Variants in BRF1 observed in about 807,000 individuals in gnomAD.
The protein encoded by BRF1 is transcription factor IIIB 90 kDa subunit.
Under a neutral mutation model 81.7 loss-of-function variants are expected in BRF1, and 59 were observed. The observed-to-expected ratio is 0.72, with a 90% CI of 0.59 to 0.90. BRF1 has a LOEUF of 0.90. Ranked by LOEUF, BRF1 falls within the 40% of genes least tolerant of loss-of-function variation. The pLI, the probability that BRF1 is intolerant of heterozygous loss-of-function variation, is 0.00. For synonymous variants in BRF1, 491 were observed against 395.6 expected, an observed-to-expected ratio of 1.24 and a Z score of -2.86; for missense variants, 1,050 against 936.3, an observed-to-expected ratio of 1.12 and a Z score of -1.58.
Position 105,315,026 on chromosome 14 carries a change from C to T in BRF1, c.-162+296G>A, listed in dbSNP as rs755739390. 8.2e-7 allele frequency: 1 copy of T among 1,219,366 alleles called. No homozygotes were observed. Among genetic ancestry groups the T allele is most frequent in the South Asian group, 1.9e-5 (1 of 53,284 alleles). 75.5% of individuals were successfully genotyped at this position (1,219,366 alleles called of 1,614,324 possible). On this transcript the variant is annotated intron_variant, in intron 1 of 17. Coordinates refer to the BRF1 transcript ENST00000327359. The surrounding 1 kb of genome is among the most constrained non-coding windows in gnomAD (Gnocchi z 4.4). ...GGGAGGTGGACGGCTCCAGCCCCAG[C>T]TGCGTGCCCAGGTACGCGCCGCCCG... is the stretch of plus-strand genomic sequence containing the variant.
rs759423335 is a variant in BRF1, at chr14:105,211,181, TCCTCCTCGTCAG to T, written c.1925_1936del (p.Ala642_Glu645del). 3.7e-5 allele frequency: 60 copies of T among 1,611,846 alleles called. No homozygotes were observed. Among genetic ancestry groups the T allele is most frequent in the Non-Finnish European group, 1.6e-5 (19 of 1,179,610 alleles). On this transcript the variant is annotated inframe_deletion, in exon 17 of 18. Transcript: ENST00000547530. ...GGGCTCCCCGTCCTCCTCGTCAGGC[TCCTCCTCGTCAG>T]CCTCCTCGTCGGCGTGGTATGACAC...
intron 3 of BRF1, 134 bp from the exon 4 acceptor site, chr14:105,256,683 A>G: frequency 1.4e-6 from 2 of 1,386,812 alleles, no homozygotes; most frequent in Non-Finnish European, 1.9e-6. Flanking sequence ...TCCACCTTTG[A>G]TCAGGAAGGA....
chr14:105,304,505 A>C (rs2058124139), upstream of BRF1, among the ~76,000 whole-genome samples: 1 of 152,180 alleles, frequency 6.6e-6, no homozygotes, highest in Non-Finnish European at 1.5e-5. Flanking sequence ...AATAAAATAA[A>C]ATAAAATAAA....
chr14:105,295,626 T>C (rs1018124684), intron 1 of BRF1, among the ~76,000 whole-genome samples: 1 of 150,972 alleles, frequency 6.6e-6, no homozygotes, highest in Non-Finnish European at 1.5e-5. Context: ...CAAAAAAAAA[T>C]TTTTTTAATT....
intron 7 of BRF1, 117 bp from the exon 8 acceptor site, chr14:105,226,877 G>T: frequency 6.6e-7 from 1 of 1,514,098 alleles, no homozygotes; most frequent in East Asian, 2.3e-5. Flanking sequence ...GGGAGCCCAA[G>T]GTGGGTGGAT....
At chr14:105,311,523 G>A (rs1595528183) in intron 1 of BRF1, among the ~76,000 whole-genome samples, 1 of 152,190 alleles carries the variant, frequency 6.6e-6, no homozygotes, top group South Asian at 2.1e-4. Context: ...CCAAAGTGCT[G>A]GGATTACAGG....
chr14:105,228,456 A>G (rs1451310853), intron 7 of BRF1, among the ~76,000 whole-genome samples: 1 of 151,846 alleles, frequency 6.6e-6, no homozygotes, highest in Admixed American at 6.6e-5. Flanking sequence ...AGGCAGGAGA[A>G]TCTCTTGGAC....
chr14:105,310,073 C>T (rs1022029944), intron 1 of BRF1, among the ~76,000 whole-genome samples: 6 of 151,692 alleles, frequency 4.0e-5, no homozygotes, highest in Non-Finnish European at 5.9e-5. Context: ...TATGAGCCAC[C>T]GCACCCAGCC....
chr14:105,274,060 C>T (rs587685278), intron 2 of BRF1, among the ~76,000 whole-genome samples: 60 of 152,342 alleles, frequency 3.9e-4, no homozygotes, highest in Non-Finnish European at 7.1e-4. Context: ...CGCCCTATGG[C>T]GGGAGATTAG....
chr14:105,223,068 C>G (rs1295479349), intron 10 of BRF1, among the ~76,000 whole-genome samples: 1 of 152,184 alleles, frequency 6.6e-6, no homozygotes, highest in Non-Finnish European at 1.5e-5. Flanking sequence ...TGGTGCCCGC[C>G]TGCAGTCCCA....
intron 15 of BRF1, chr14:105,217,235 CA>C: frequency 2.0e-6 from 1 of 500,148 alleles, no homozygotes; most frequent in Non-Finnish European, 3.6e-6. Context: ...TTCCCGAACC[CA>C]GGCTGGAGAA....
chr14:105,301,964 C>T (rs2058046364), upstream of BRF1, among the ~76,000 whole-genome samples: 1 of 152,098 alleles, frequency 6.6e-6, no homozygotes, highest in African/African-American at 2.4e-5. Context: ...TGGCGAAACC[C>T]CGTCTCCACT....
upstream of BRF1, among the ~76,000 whole-genome samples, chr14:105,304,436 C>T (rs981463556): frequency 5.3e-5 from 8 of 151,906 alleles, no homozygotes; most frequent in African/African-American, 1.5e-4. Flanking sequence ...TGTGGTGAGG[C>T]GAGATGGCGT....
At chr14:105,307,959 G>A (rs755826742) in intron 1 of BRF1, among the ~76,000 whole-genome samples, 4 of 152,168 alleles carry the variant, frequency 2.6e-5, no homozygotes, top group Admixed American at 6.6e-5. Flanking sequence ...GAGGTGGGAG[G>A]ATAGCTTGAG....
chr14:105,221,492 T>G, intron 11 of BRF1, 156 bp downstream of exon 11: 2 of 1,066,162 alleles, frequency 1.9e-6, no homozygotes, highest in Non-Finnish European at 1.3e-6. Flanking sequence ...CACAGCCCCA[T>G]TGGGGGGACT....
intron 3 of BRF1, among the ~76,000 whole-genome samples, chr14:105,260,121 G>A (rs2056079437): frequency 6.6e-6 from 1 of 152,146 alleles, no homozygotes; most frequent in African/African-American, 2.4e-5. Flanking sequence ...TCTCCAGATG[G>A]AGCAATTAGG....
intron 3 of BRF1, among the ~76,000 whole-genome samples, chr14:105,266,665 C>A (rs752749180): frequency 6.6e-6 from 1 of 152,056 alleles, no homozygotes; most frequent in Non-Finnish European, 1.5e-5. Flanking sequence ...CAGGAGAGAG[C>A]CAGGCACATC....
chr14:105,217,512 C>T (rs1891532125), intron 15 of BRF1, 32 bp downstream of exon 15: 1 of 1,600,206 alleles, frequency 6.2e-7, no homozygotes, highest in Admixed American at 1.7e-5. Context: ...TGGGCTGCTG[C>T]CCTAACCCAG....
At chr14:105,249,132 C>G in intron 5 of BRF1, 1 of 1,547,540 alleles carries the variant, frequency 6.5e-7, no homozygotes, top group Non-Finnish European at 8.7e-7. Flanking sequence ...GCCCACGCCC[C>G]CAGCCCGTGC....
Sources: allele counts gnomAD v4.1 joint callset (sites outside exome capture counted in the v4.1 genomes callset), GRCh38; gene constraint gnomAD v4.1.1; non-coding constraint Gnocchi (gnomAD v3.1); transcripts MANE v1.5; gene names NCBI Gene and HGNC (gene_info 2026-07-23, HGNC 2026-07-21).